Variants in PEBP4 observed in about 807,000 individuals in gnomAD.
PEBP4 encodes the protein phosphatidylethanolamine-binding protein 4.
A neutral mutation model predicts 23.9 loss-of-function variants in PEBP4; 22 were observed. The ratio of observed to expected loss-of-function variants is 0.92; its 90% CI spans 0.66 to 1.31. The LOEUF (loss-of-function observed/expected upper bound fraction) is 1.31, where lower values mean the gene tolerates loss of function less well. Among genes scored for constraint, PEBP4 ranks in the 40% most tolerant of loss-of-function variants. PEBP4 has a pLI of 0.00. For missense variants in PEBP4, 324 were observed against 281.7 expected (o/e 1.15, Z -1.07); for synonymous variants, 112 against 99.3 (o/e 1.13, Z -0.76).
chr8:22,716,058 C>G (rs533695022), intron 6 of PEBP4, among the ~76,000 whole-genome samples: 1 of 152,066 alleles, frequency 6.6e-6, no homozygotes. Flanking sequence ...CTTCCTGGGA[C>G]GAGGGTAGGG....
chr8:22,718,975 C>T (rs1192097989), intron 6 of PEBP4, among the ~76,000 whole-genome samples: 1 of 152,176 alleles, frequency 6.6e-6, no homozygotes, highest in Non-Finnish European at 1.5e-5. Flanking sequence ...CCCTTGGCCC[C>T]ATGATTCCCC....
At chr8:22,759,558 G>A (rs544587953) in intron 4 of PEBP4, among the ~76,000 whole-genome samples, 2 of 152,134 alleles carry the variant, frequency 1.3e-5, no homozygotes, top group African/African-American at 4.8e-5. Context: ...TGCAGCTGGG[G>A]TGAGAACTGG....
intron 3 of PEBP4, among the ~76,000 whole-genome samples, chr8:22,869,889 C>T (rs1489491205): frequency 6.6e-6 from 1 of 152,132 alleles, no homozygotes; most frequent in East Asian, 1.9e-4. Flanking sequence ...GGCCCAAATC[C>T]AGAACACTGA....
At chr8:22,921,098 C>T (rs1007846057) in intron 2 of PEBP4, among the ~76,000 whole-genome samples, 3 of 152,266 alleles carry the variant, frequency 2.0e-5, no homozygotes, top group Admixed American at 2.0e-4. Flanking sequence ...GCCATGACAG[C>T]ACCAGGCTGG....
At chr8:22,768,639 A>T (rs1054127386) in intron 4 of PEBP4, among the ~76,000 whole-genome samples, 1 of 151,888 alleles carries the variant, frequency 6.6e-6, no homozygotes, top group African/African-American at 2.4e-5. Context: ...GGCCCAGTCA[A>T]TACGGAGCCT....
At chr8:22,880,900 C>T (rs936111900) in intron 3 of PEBP4, among the ~76,000 whole-genome samples, 9 of 152,196 alleles carry the variant, frequency 5.9e-5, no homozygotes, top group East Asian at 1.9e-4. Flanking sequence ...AGGGGAAGCA[C>T]GGGGCCAGGG....
chr8:22,913,301 T>C (rs1287911954), intron 3 of PEBP4, among the ~76,000 whole-genome samples: 3 of 152,162 alleles, frequency 2.0e-5, no homozygotes, highest in Non-Finnish European at 4.4e-5. Flanking sequence ...CCTGGCCCCA[T>C]GCAGCCTCTC....
At chr8:22,803,770 G>C (rs1028873822) in intron 4 of PEBP4, among the ~76,000 whole-genome samples, 1 of 152,194 alleles carries the variant, frequency 6.6e-6, no homozygotes, top group East Asian at 1.9e-4. Flanking sequence ...CAGGCCTCCA[G>C]TATCCTCATC....
intron 3 of PEBP4, among the ~76,000 whole-genome samples, chr8:22,840,908 C>T (rs940952021): frequency 6.6e-6 from 1 of 152,126 alleles, no homozygotes; most frequent in African/African-American, 2.4e-5. Flanking sequence ...ACTAATGGTA[C>T]CAATTGCCAA....
intron 4 of PEBP4, among the ~76,000 whole-genome samples, chr8:22,808,411 C>G (rs1806547974): frequency 6.6e-6 from 1 of 152,202 alleles, no homozygotes; most frequent in Admixed American, 6.5e-5. Flanking sequence ...TTCATTAATT[C>G]AACATTTACC....
In PEBP4 at chr8:22,865,377, CGGTGG is replaced by C. The variant is rs1807867681; in HGVS notation, c.259-47647_259-47643del. Among the ~76,000 whole-genome samples the C allele has an allele frequency of 6.6e-6, 1 of 150,726 alleles. No individual in the cohort carries two copies. The highest frequency in any genetic ancestry group is 1.5e-5 in the Non-Finnish European group (1 of 67,614). Reference sequence around the variant, plus strand: ...CCACGGGCGGTGACGGTGGCGGTGGCGGTGGCGGCGGCGGGACCCCGGGCCTGGCT... The same window carrying C: ...CCACGGGCGGTGACGGTGGCGGTGGCCGGCGGCGGGACCCCGGGCCTGGCT... On this transcript the variant is annotated intron_variant, in intron 3 of 6. Coordinates refer to ENST00000256404, the MANE Select transcript of PEBP4 (RefSeq NM_144962.3). This position sits in a 1 kb window ranked among gnomAD's most constrained non-coding sequence, Gnocchi z 6.9.
upstream of PEBP4, among the ~76,000 whole-genome samples, chr8:22,928,386 A>G (rs1165792707): frequency 6.6e-6 from 1 of 152,214 alleles, no homozygotes; most frequent in Non-Finnish European, 1.5e-5. Flanking sequence ...CTGAGGACAG[A>G]AGGGTGCGTC....
intron 3 of PEBP4, chr8:22,896,318 T>C (rs1459488383): frequency 6.6e-6 from 1 of 152,254 alleles, no homozygotes; most frequent in Non-Finnish European, 1.5e-5. Flanking sequence ...TATCAATTCT[T>C]ACTCCAATGG....
chr8:22,778,282 G>A (rs887391901), intron 4 of PEBP4, among the ~76,000 whole-genome samples: 4 of 152,056 alleles, frequency 2.6e-5, no homozygotes, highest in African/African-American at 7.2e-5. Flanking sequence ...AACTGCCCCC[G>A]GTGGACAGAT....
At chr8:22,934,017 A>T (rs1391190818) in intron 1 of PEBP4, among the ~76,000 whole-genome samples, 1 of 152,172 alleles carries the variant, frequency 6.6e-6, no homozygotes, top group East Asian at 1.9e-4. Context: ...GAAAGCAGGA[A>T]TGAGAAATGG....
chr8:22,774,368 C>T (rs1805774644), intron 4 of PEBP4, among the ~76,000 whole-genome samples: 1 of 152,212 alleles, frequency 6.6e-6, no homozygotes, highest in East Asian at 1.9e-4. Flanking sequence ...GAAGGGAGGG[C>T]TATGTTTAAC....
At chr8:22,739,593 C>A (rs1354389830) in intron 4 of PEBP4, among the ~76,000 whole-genome samples, 1 of 152,082 alleles carries the variant, frequency 6.6e-6, no homozygotes, top group Non-Finnish European at 1.5e-5. Flanking sequence ...GGGAGTGGTG[C>A]CCCAGGGCTT....
chr8:22,841,986 T>C (rs1807338962), intron 3 of PEBP4, among the ~76,000 whole-genome samples: 2 of 152,218 alleles, frequency 1.3e-5, no homozygotes, highest in South Asian at 2.1e-4. Context: ...GGAGAGGCCA[T>C]GTAAGGACAG....
intron 3 of PEBP4, among the ~76,000 whole-genome samples, chr8:22,850,433 G>C (rs1481243031): frequency 6.6e-6 from 1 of 152,220 alleles, no homozygotes; most frequent in East Asian, 1.9e-4. Flanking sequence ...GGTCTTCTGG[G>C]AGAACTGGGA....
Sources: gnomAD v4.1 joint callset for allele counts (sites outside exome capture counted in the v4.1 genomes callset) on GRCh38, gnomAD v4.1.1 for gene constraint, Gnocchi (gnomAD v3.1) non-coding constraint, MANE v1.5 for transcripts, NCBI Gene and HGNC (gene_info 2026-07-23, HGNC 2026-07-21) for gene names.